Variants in LHPP observed in about 807,000 individuals in gnomAD.
The protein encoded by LHPP is phospholysine phosphohistidine inorganic pyrophosphate phosphatase.
A neutral mutation model predicts 30.3 loss-of-function variants in LHPP; 24 were observed. The ratio of observed to expected loss-of-function variants is 0.79; its 90% CI spans 0.57 to 1.11. The LOEUF (loss-of-function observed/expected upper bound fraction) is 1.11. Ranked by LOEUF, LHPP falls within the 50% of genes most tolerant of loss-of-function variation. LHPP has a pLI of 0.00. For missense variants in LHPP, 356 were observed against 367.2 expected (o/e 0.97, Z 0.25); for synonymous variants, 150 against 157.1 (o/e 0.95, Z 0.34).
At chr10:124,558,901 T>G (rs907274237) in intron 6 of LHPP, among the ~76,000 whole-genome samples, 4 of 152,138 alleles carry the variant, frequency 2.6e-5, no homozygotes, top group Admixed American at 6.5e-5. Flanking sequence ...TTGGAAAAAA[T>G]GTCAAGGCAT....
rs1007927973 is a variant in LHPP at position 124,541,286 on chromosome 10, G to C, written c.716+24015G>C. Among the ~76,000 whole-genome samples the C allele has an allele frequency of 6.6e-6, 1 of 152,230 alleles. No homozygotes were observed. Among genetic ancestry groups the C allele is most frequent in the African/African-American group, 2.4e-5 (1 of 41,460 alleles). On this transcript the variant is annotated intron_variant, in intron 6 of 6. Transcript: ENST00000368842. The surrounding 1 kb of genome is among the most constrained non-coding windows in gnomAD (Gnocchi z 4.2). ...CTGCAGTACCAGGATAGACAATTTG[G>C]GCTGGAGCCAAACTTGATCAGAGGG...
At chr10:124,569,091 G>A (rs1293016482) in intron 6 of LHPP, among the ~76,000 whole-genome samples, 1 of 152,172 alleles carries the variant, frequency 6.6e-6, no homozygotes, top group Non-Finnish European at 1.5e-5. Flanking sequence ...GTGCCCTGGG[G>A]TCTTGTCCCC....
chr10:124,501,475 A>G (rs1261325941), intron 5 of LHPP, among the ~76,000 whole-genome samples: 1 of 151,242 alleles, frequency 6.6e-6, no homozygotes, highest in Admixed American at 6.6e-5. Context: ...GGTGGTGTGC[A>G]CCTATAATCC....
At chr10:124,487,474 G>A (rs2361627) in intron 2 of LHPP, among the ~76,000 whole-genome samples, 56,196 of 144,978 alleles carry the variant, frequency 0.39, 11,560 homozygotes, top group East Asian at 0.61. Flanking sequence ...ACAGAGTCTC[G>A]CTCTGTTGCC....
rs1297712388 is a variant in LHPP, at chr10:124,478,647, G to A, written c.126-5492G>A. ...AACAGCCAGCAGATGTGGAGAGTCC[G>A]AGGTGATTTGTAAGGGCCGGTTCAT... On this transcript the variant is annotated intron_variant, in intron 1 of 6. Coordinates refer to ENST00000368842, the MANE Select transcript of LHPP (RefSeq NM_022126.4). This position sits in a 1 kb window ranked among gnomAD's most constrained non-coding sequence, Gnocchi z 4.7. Among the ~76,000 whole-genome samples, 1 of 152,240 alleles carries A rather than the reference G, an allele frequency of 6.6e-6. No homozygotes were observed. The highest frequency in any genetic ancestry group is 1.5e-5 in the Non-Finnish European group (1 of 68,048).
intron 1 of LHPP, among the ~76,000 whole-genome samples, chr10:124,465,137 C>T (rs1225313214): frequency 6.6e-6 from 1 of 152,084 alleles, no homozygotes; most frequent in African/African-American, 2.4e-5. Context: ...CGGGACAGCT[C>T]TGAGGAGAAG....
At chr10:124,588,126 C>T (rs1487513998) in intron 6 of LHPP, among the ~76,000 whole-genome samples, 1 of 152,240 alleles carries the variant, frequency 6.6e-6, no homozygotes, top group Non-Finnish European at 1.5e-5. Context: ...ACCCACTGAA[C>T]AGACACTTGC....
intron 6 of LHPP, among the ~76,000 whole-genome samples, chr10:124,546,821 G>T (rs34997829): frequency 6.6e-6 from 1 of 152,152 alleles, no homozygotes; most frequent in South Asian, 2.1e-4. Context: ...TTTGTCCACA[G>T]GCGTACTTAC....
intron 6 of LHPP, among the ~76,000 whole-genome samples, chr10:124,533,853 G>A (rs1381992186): frequency 2.6e-5 from 4 of 151,714 alleles, no homozygotes; most frequent in African/African-American, 2.4e-5. Context: ...TGTGCCTGGA[G>A]TGACTCAGGG....
intron 6 of LHPP, among the ~76,000 whole-genome samples, chr10:124,561,781 C>CA (rs1948399060): frequency 2.0e-5 from 3 of 152,128 alleles, no homozygotes; most frequent in Middle Eastern, 3.4e-3. Context: ...AAATAAGACT[C>CA]AGAGTCTCAC....
At chr10:124,481,517 C>T (rs1342967620) in intron 1 of LHPP, among the ~76,000 whole-genome samples, 1 of 151,708 alleles carries the variant, frequency 6.6e-6, no homozygotes, top group East Asian at 1.9e-4. Context: ...GCTAGGACTA[C>T]AGGTGCCCGC....
intron 6 of LHPP, among the ~76,000 whole-genome samples, chr10:124,522,123 G>A (rs1448207628): frequency 6.6e-6 from 1 of 152,190 alleles, no homozygotes; most frequent in Non-Finnish European, 1.5e-5. Context: ...CATCATCCCC[G>A]GGCAGGGGTG....
intron 6 of LHPP, among the ~76,000 whole-genome samples, chr10:124,537,334 G>A (rs1363299759): frequency 1.1e-4 from 17 of 152,230 alleles, no homozygotes; most frequent in Admixed American, 9.2e-4. Context: ...CTGCCCGTGA[G>A]ATCCTCCTTG....
At chr10:124,536,820 A>G (rs2031436659) in intron 6 of LHPP, among the ~76,000 whole-genome samples, 1 of 152,076 alleles carries the variant, frequency 6.6e-6, no homozygotes, top group African/African-American at 2.4e-5. Flanking sequence ...CAGATCGGGG[A>G]GGATTGGCTA....
chr10:124,566,753 G>A (rs1448860652), intron 6 of LHPP, among the ~76,000 whole-genome samples: 1 of 152,158 alleles, frequency 6.6e-6, no homozygotes, highest in Non-Finnish European at 1.5e-5. Context: ...GGGCACCTGA[G>A]ACAGAGGGAG....
chr10:124,489,881 G>A, intron 3 of LHPP: 1 of 198,710 alleles, frequency 5.0e-6, no homozygotes. Context: ...AAATTCGGTT[G>A]CTGACCCATT....
chr10:124,475,030 C>CTTTTTTTTTTTTTTTTTTT lies in LHPP; in HGVS notation c.126-9099_126-9098insTTTTTTTTTTTTTTTTTTT, dbSNP rs57739169. On this transcript the variant is annotated intron_variant, in intron 1 of 6. Transcript: ENST00000368842. ...GAAATGTGCCAGGTGCTTCTCATGT[C>CTTTTTTTTTTTTTTTTTTT]TTTTTTTTTTGAAATGGAGTCTCGC... Among the ~76,000 whole-genome samples the CTTTTTTTTTTTTTTTTTTT allele has an allele frequency of 1.4e-3, 134 of 98,650 alleles. 20 individuals carry two copies. The highest frequency in any genetic ancestry group is 2.9e-3 in the East Asian group (8 of 2,748). 64.7% of individuals were successfully genotyped at this position (98,650 alleles called of 152,430 possible).
intron 6 of LHPP, among the ~76,000 whole-genome samples, chr10:124,611,115 GAGC>G (rs1363215568): frequency 6.6e-6 from 1 of 151,932 alleles, no homozygotes; most frequent in East Asian, 1.9e-4. Context: ...GCTCATTCAG[GAGC>G]AGCAGAGTGG....
chr10:124,553,085 A>AGGGCAGTC (rs1948206149), intron 6 of LHPP, among the ~76,000 whole-genome samples: 1 of 152,024 alleles, frequency 6.6e-6, no homozygotes, highest in African/African-American at 2.4e-5. Flanking sequence ...CCTTCTGGGG[A>AGGGCAGTC]CCTCGATGTT....
Sources: allele counts gnomAD v4.1 joint callset (sites outside exome capture counted in the v4.1 genomes callset), GRCh38; gene constraint gnomAD v4.1.1; non-coding constraint Gnocchi (gnomAD v3.1); transcripts MANE v1.5; gene names NCBI Gene and HGNC (gene_info 2026-07-23, HGNC 2026-07-21).